CMIP: variants seen among roughly 807,000 people sequenced by gnomAD.
CMIP encodes the protein C-Maf-inducing protein.
In CMIP, 13 loss-of-function variants were observed where a neutral mutation model predicts 97.3. That is an observed-to-expected ratio of 0.13 (90% CI 0.09 to 0.21). The LOEUF (loss-of-function observed/expected upper bound fraction) is 0.21. Among genes scored for constraint, CMIP ranks in the 10% least tolerant of loss-of-function variants. The pLI is 1.00. For synonymous variants in CMIP, 538 were observed against 436.3 expected, an observed-to-expected ratio of 1.23 and a Z score of -2.91; for missense variants, 847 against 1,024.9, an observed-to-expected ratio of 0.83 and a Z score of 2.37.
At chr16:81,668,025 A>G (rs1043658185) in intron 7 of CMIP, among the ~76,000 whole-genome samples, 1 of 151,644 alleles carries the variant, frequency 6.6e-6, no homozygotes, top group Non-Finnish European at 1.5e-5. Context: ...CTCTCCTGGG[A>G]GCCTGCGGGA....
intron 1 of CMIP, among the ~76,000 whole-genome samples, chr16:81,561,568 G>T (rs2090884194): frequency 6.6e-6 from 1 of 152,100 alleles, no homozygotes; most frequent in African/African-American, 2.4e-5. Flanking sequence ...AGGGGCTGGG[G>T]TATGAAAGGT....
chr16:81,492,814 G>A lies in CMIP; in HGVS notation c.300+47273G>A, dbSNP rs538719013. ...GAGGAGGGGAGGCGGAAGTTGTCGT[G>A]GGGGGTCGGGGAGAAATGGGGAGTA... is the stretch of plus-strand genomic sequence containing the variant. On this transcript the variant is annotated intron_variant, in intron 1 of 20. Transcript: ENST00000537098. Among the ~76,000 whole-genome samples the A allele has an allele frequency of 9.9e-5, 15 of 152,234 alleles. No homozygotes were observed. The South Asian group carries it at 2.3e-3, about 23-fold the overall frequency.
chr16:81,568,797 C>G (rs899345603), intron 1 of CMIP, among the ~76,000 whole-genome samples: 1 of 152,158 alleles, frequency 6.6e-6, no homozygotes. Flanking sequence ...CAACCAGCCT[C>G]GCCATAAACC....
At chr16:81,585,739 G>A (rs1365299037) in intron 1 of CMIP, among the ~76,000 whole-genome samples, 1 of 126,582 alleles carries the variant, frequency 7.9e-6, no homozygotes, top group African/African-American at 2.6e-5. Flanking sequence ...CTGGAGGATT[G>A]GGCTGGAGAA....
intron 3 of CMIP, among the ~76,000 whole-genome samples, chr16:81,638,300 C>T (rs1476431804): frequency 6.6e-6 from 1 of 152,178 alleles, no homozygotes; most frequent in Admixed American, 6.5e-5. Flanking sequence ...GACATACCTT[C>T]TTTGGGGCCA....
Position 81,695,500 on chromosome 16 carries a change from A to T in CMIP, c.1531-1060A>T, listed in dbSNP as rs1294074196. 3.3e-5 allele frequency: 5 copies of T among 152,230 alleles called. No homozygotes were observed. The East Asian group carries it at 7.7e-4, about 23-fold the overall frequency. The allele number at this position is 152,230 out of a possible 1,614,324, so 9.4% of individuals were successfully genotyped here. On this transcript the variant is annotated intron_variant, in intron 13 of 20. Transcript: ENST00000537098. The stretch of plus-strand genomic sequence containing the variant: ...TGTGGGTAACAGATTCTTGGCAGCC[A>T]ATCGTCCTTTCCTAAAGGAAATGAT...
At position 81,445,135 on chromosome 16, in the gene CMIP, T is replaced by C; in HGVS notation, c.-107T>C. ...CCCCCAGCCCCACACCCCCCCACCTTCCCGGGGGGTGGGGGGGTGCGGGCC... is the reference window on the plus strand; with the variant it reads ...CCCCCAGCCCCACACCCCCCCACCTCCCCGGGGGGTGGGGGGGTGCGGGCC... On this transcript the variant is annotated 5_prime_UTR_variant, in exon 1 of 21. Transcript: ENST00000537098. 1.9e-6 allele frequency: 1 copy of C among 540,168 alleles called. No homozygotes were observed. The highest frequency in any genetic ancestry group is 2.9e-6 in the Non-Finnish European group (1 of 348,640). The allele number at this position is 540,168 out of a possible 1,614,324, so 33.5% of individuals were successfully genotyped here.
intron 10 of CMIP, among the ~76,000 whole-genome samples, chr16:81,689,047 C>T (rs1023153559): frequency 1.3e-5 from 2 of 152,188 alleles, no homozygotes; most frequent in Non-Finnish European, 2.9e-5. Flanking sequence ...CTTCTTAATC[C>T]AGTCTGTCAT....
chr16:81,563,410 T>C (rs550201258), intron 1 of CMIP, among the ~76,000 whole-genome samples: 2 of 152,262 alleles, frequency 1.3e-5, no homozygotes, highest in South Asian at 2.1e-4. Flanking sequence ...CCTGGTAAAA[T>C]GGGAATGATG....
intron 10 of CMIP, among the ~76,000 whole-genome samples, chr16:81,688,247 G>A (rs1360476547): frequency 6.6e-6 from 1 of 152,200 alleles, no homozygotes; most frequent in Non-Finnish European, 1.5e-5. Context: ...CGCTGTCTCT[G>A]CACACAGGAA....
intron 1 of CMIP, among the ~76,000 whole-genome samples, chr16:81,491,962 G>A (rs2089413703): frequency 6.6e-6 from 1 of 152,140 alleles, no homozygotes; most frequent in Non-Finnish European, 1.5e-5. Context: ...GTCATCTTTT[G>A]TGTCACACCA....
chr16:81,627,646 C>CCT lies in CMIP; in HGVS notation c.477+6721_477+6722dup, dbSNP rs5818343. On this transcript the variant is annotated intron_variant, in intron 3 of 20. Transcript: ENST00000537098. This position sits in a 1 kb window ranked among gnomAD's most constrained non-coding sequence, Gnocchi z 4.6. Reference sequence around the variant, plus strand: ...GTCCAGCACTATGTGCCCCTGTGCTCCTGAGTCCGGAAACAGTTCTGTGGG... The same window carrying CCT: ...GTCCAGCACTATGTGCCCCTGTGCTCCTCTGAGTCCGGAAACAGTTCTGTGGG... 0.59 allele frequency among the ~76,000 whole-genome samples: 88,885 copies of CCT among 151,760 alleles called. 27,555 individuals are homozygous for CCT. Among genetic ancestry groups the CCT allele is most frequent in the East Asian group, 0.75 (3,846 of 5,134 alleles).
At chr16:81,702,328 G>C (rs1008147985) in intron 16 of CMIP, among the ~76,000 whole-genome samples, 1 of 152,010 alleles carries the variant, frequency 6.6e-6, no homozygotes, top group African/African-American at 2.4e-5. Context: ...CCCCCGGTGG[G>C]ATTTGGTGCC....
chr16:81,617,958 C>T (rs904378484), intron 2 of CMIP, among the ~76,000 whole-genome samples: 1 of 152,190 alleles, frequency 6.6e-6, no homozygotes, highest in Non-Finnish European at 1.5e-5. Flanking sequence ...TCCTCCTCCA[C>T]CTTCTTTTTG....
intron 1 of CMIP, among the ~76,000 whole-genome samples, chr16:81,593,557 G>A (rs2091498794): frequency 1.3e-5 from 2 of 152,246 alleles, no homozygotes; most frequent in South Asian, 4.1e-4. Flanking sequence ...TCTTTTCGGA[G>A]TAATCCGTGG....
intron 1 of CMIP, among the ~76,000 whole-genome samples, chr16:81,551,249 A>T (rs978813904): frequency 2.0e-5 from 3 of 151,742 alleles, no homozygotes; most frequent in Admixed American, 2.0e-4. Flanking sequence ...TTCATCACAC[A>T]CCCCAGTTCC....
At chr16:81,612,141 G>T (rs1336425747) in intron 2 of CMIP, among the ~76,000 whole-genome samples, 1 of 152,246 alleles carries the variant, frequency 6.6e-6, no homozygotes, top group East Asian at 1.9e-4. Flanking sequence ...TGAAGGTGCT[G>T]TCACTGGCCC....
At chr16:81,651,032 A>G (rs2092422306) in intron 3 of CMIP, among the ~76,000 whole-genome samples, 1 of 152,164 alleles carries the variant, frequency 6.6e-6, no homozygotes, top group South Asian at 2.1e-4. Flanking sequence ...AGGCTCTGGC[A>G]GCTTCTAAGT....
intron 1 of CMIP, chr16:81,476,033 T>C (rs1393881129): frequency 2.9e-6 from 2 of 693,314 alleles, no homozygotes; most frequent in East Asian, 5.6e-5. Context: ...TTATTCAAGT[T>C]GTCCACAGTT....
Sources: gnomAD v4.1 joint callset for allele counts (sites outside exome capture counted in the v4.1 genomes callset) on GRCh38, gnomAD v4.1.1 for gene constraint, Gnocchi (gnomAD v3.1) non-coding constraint, MANE v1.5 for transcripts, NCBI Gene and HGNC (gene_info 2026-07-23, HGNC 2026-07-21) for gene names.